ZNF766: variants seen among roughly 807,000 people sequenced by gnomAD.
ZNF766 encodes zinc finger protein 766.
In ZNF766, 13 loss-of-function variants were observed where a neutral mutation model predicts 13.2. That is an observed-to-expected ratio of 0.98 (90% CI 0.64 to 1.56). ZNF766 has a LOEUF of 1.56. Ranked by LOEUF, ZNF766 falls within the 40% of genes most tolerant of loss-of-function variation. The pLI is 0.00. For synonymous variants in ZNF766, 178 were observed against 187.6 expected (o/e 0.95, Z 0.42); for missense variants, 521 against 552.2 (o/e 0.94, Z 0.57).
intron 1 of ZNF766, among the ~76,000 whole-genome samples, chr19:52,278,513 C>T (rs1298149679): frequency 1.3e-5 from 2 of 152,146 alleles, no homozygotes; most frequent in Non-Finnish European, 2.9e-5. Flanking sequence ...AAGCAATTCT[C>T]CTGCCTCAGC....
chr19:52,271,106 G>T (rs966881580), intron 1 of ZNF766, among the ~76,000 whole-genome samples: 2 of 152,032 alleles, frequency 1.3e-5, no homozygotes, highest in Non-Finnish European at 2.9e-5. Flanking sequence ...TTATTAATTT[G>T]CTGGAATGGT....
chr19:52,284,730 C>G (rs7255987), intron 3 of ZNF766: 24,866 of 151,720 alleles, frequency 0.16, 2,088 homozygotes, highest in East Asian at 0.29. Context: ...CGACCCCCTT[C>G]TTCTGTTTGG....
intron 3 of ZNF766, among the ~76,000 whole-genome samples, chr19:52,289,585 C>G (rs1982006721): frequency 6.6e-6 from 1 of 152,172 alleles, no homozygotes; most frequent in South Asian, 2.1e-4. Context: ...TGTAGATTCC[C>G]CATTGCTCCA....
intron 1 of ZNF766, chr19:52,277,287 G>A (rs999623168): frequency 1.8e-5 from 18 of 988,944 alleles, no homozygotes; most frequent in South Asian, 1.1e-4. Context: ...GTGAAACCCC[G>A]TCTCTACTAC....
intron 3 of ZNF766, among the ~76,000 whole-genome samples, chr19:52,289,783 G>A (rs1349543391): frequency 5.9e-5 from 9 of 152,110 alleles, no homozygotes; most frequent in Non-Finnish European, 8.8e-5. Flanking sequence ...GGCGGATCAC[G>A]AGGTCAGGAG....
At chr19:52,281,209 A>G (rs2122476388) in intron 1 of ZNF766, among the ~76,000 whole-genome samples, 1 of 151,976 alleles carries the variant, frequency 6.6e-6, no homozygotes, top group South Asian at 2.1e-4. Flanking sequence ...AATACTTGCC[A>G]TGACCTTATA....
chr19:52,286,195 T>TCCCC (rs1568621172), intron 3 of ZNF766, among the ~76,000 whole-genome samples: 2 of 143,190 alleles, frequency 1.4e-5, no homozygotes, highest in African/African-American at 5.6e-5. Context: ...TTTTCCCCCC[T>TCCCC]AATTATAAAG....
In ZNF766 at chr19:52,291,950, T is replaced by A; in HGVS notation, c.*752T>A. ...AAGCCAGGCCCTTGGCATGTGTCTG[T>A]AGTTCCAGCTACTCAAGAGGCCGAG... On this transcript the variant is annotated 3_prime_UTR_variant, in exon 4 of 4. Transcript: ENST00000439461. 1 of 554,158 alleles carries A rather than the reference T, an allele frequency of 1.8e-6. No individual in the cohort carries two copies. The highest frequency in any genetic ancestry group is 3.0e-5 in the East Asian group (1 of 33,762). The allele number at this position is 554,158 out of a possible 1,614,324, so 34.3% of individuals were successfully genotyped here. A position where few individuals can be genotyped will look rare whatever the true frequency, so the allele number is the denominator to read the frequency against.
chr19:52,291,264 T>C lies in ZNF766; in HGVS notation c.*66T>C. The C allele has an allele frequency of 2.1e-6, 3 of 1,444,578 alleles. No homozygotes were observed. Among genetic ancestry groups the C allele is most frequent in the Non-Finnish European group, 2.8e-6 (3 of 1,072,676 alleles). 89.5% of individuals were successfully genotyped at this position (1,444,578 alleles called of 1,614,324 possible). A position where few individuals can be genotyped will look rare whatever the true frequency, so the allele number is the denominator to read the frequency against. On this transcript the variant is annotated 3_prime_UTR_variant, in exon 4 of 4. Coordinates refer to ENST00000439461, the MANE Select transcript of ZNF766 (RefSeq NM_001010851.3). ...TCCGAGAGTCTATACTAGAAAGAAA[T>C]CATTTAAATGTACTATATGTGGCAC...
rs1392208203 is a variant in ZNF766 at position 52,291,330 on chromosome 19, A to AT, written c.*134dup. The AT allele has an allele frequency of 3.3e-6, 3 of 922,054 alleles. No homozygotes were observed. The highest frequency in any genetic ancestry group is 3.2e-6 in the Non-Finnish European group (2 of 624,712). 57.1% of individuals were successfully genotyped at this position (922,054 alleles called of 1,614,324 possible). A position where few individuals can be genotyped will look rare whatever the true frequency, so the allele number is the denominator to read the frequency against. On this transcript the variant is annotated 3_prime_UTR_variant, in exon 4 of 4. Transcript: ENST00000439461. Reference sequence around the variant, plus strand: ...CTACCAAATCACTAGACATCGAAACATTCATCTTTGGTGAAACCACACAAA... The same window carrying AT: ...CTACCAAATCACTAGACATCGAAACATTTCATCTTTGGTGAAACCACACAAA...
chr19:52,295,615 C>T lies in ZNF766; in HGVS notation c.*4417C>T, dbSNP rs4802919. 1 of 151,980 alleles carries T rather than the reference C, an allele frequency of 6.6e-6. No individual in the cohort carries two copies. The highest frequency in any genetic ancestry group is 1.5e-5 in the Non-Finnish European group (1 of 68,010). 9.4% of individuals were successfully genotyped at this position (151,980 alleles called of 1,614,324 possible). ...TGCACAAGACAATGGCAGGTATAAA[C>T]GTTTTATTGTAAATATGAAAAAGGA... On this transcript the variant is annotated 3_prime_UTR_variant, in exon 4 of 4. Transcript: ENST00000439461.
In ZNF766 at chr19:52,292,863, C is replaced by T. The variant is rs956392697; in HGVS notation, c.*1665C>T. ...AAAGTTCTAGTGTACATGTCCACAACATGCAGGTTTGTTACATAGGTATAC... is the reference window on the plus strand; with the variant it reads ...AAAGTTCTAGTGTACATGTCCACAATATGCAGGTTTGTTACATAGGTATAC... On this transcript the variant is annotated 3_prime_UTR_variant, in exon 4 of 4. Transcript: ENST00000439461. 6.6e-6 allele frequency: 1 copy of T among 152,168 alleles called. No homozygotes were observed. The highest frequency in any genetic ancestry group is 1.5e-5 in the Non-Finnish European group (1 of 68,036). The allele number at this position is 152,168 out of a possible 1,614,324, so 9.4% of individuals were successfully genotyped here.
chr19:52,274,993 G>A (rs554529230), intron 1 of ZNF766, among the ~76,000 whole-genome samples: 5 of 152,264 alleles, frequency 3.3e-5, no homozygotes, highest in East Asian at 1.9e-4. Context: ...AGAAAGGAGC[G>A]TCCATGATGC....
At position 52,294,817 on chromosome 19, in the gene ZNF766, C is replaced by G. The variant is rs539503613; in HGVS notation, c.*3619C>G. The G allele has an allele frequency of 6.6e-6, 1 of 152,190 alleles. No individual in the cohort carries two copies. The highest frequency in any genetic ancestry group is 2.1e-4 in the South Asian group (1 of 4,818). 9.4% of individuals were successfully genotyped at this position (152,190 alleles called of 1,614,324 possible). Reference sequence around the variant, plus strand: ...ATATCTTACGTTCCTTTTATAGTTACAGATACAGGTCTCATTGCACAATAT... The same window carrying G: ...ATATCTTACGTTCCTTTTATAGTTAGAGATACAGGTCTCATTGCACAATAT... On this transcript the variant is annotated 3_prime_UTR_variant, in exon 4 of 4. Coordinates refer to ENST00000439461, the MANE Select transcript of ZNF766 (RefSeq NM_001010851.3).
intron 3 of ZNF766, among the ~76,000 whole-genome samples, chr19:52,287,450 G>C (rs1400549850): frequency 6.6e-6 from 1 of 152,214 alleles, no homozygotes; most frequent in East Asian, 1.9e-4. Context: ...CTGCTCTGCT[G>C]TTTTCTTTAG....
At chr19:52,289,967 C>G in intron 3 of ZNF766, 99 bp from the exon 4 acceptor site, 3 of 1,307,092 alleles carry the variant, frequency 2.3e-6, no homozygotes, top group South Asian at 1.5e-5. Flanking sequence ...TGCCACTGCA[C>G]TCCAGCCTGG....
intron 1 of ZNF766, among the ~76,000 whole-genome samples, chr19:52,279,316 C>T (rs1248583152): frequency 6.6e-6 from 1 of 152,130 alleles, no homozygotes; most frequent in Non-Finnish European, 1.5e-5. Context: ...TTGATGCCTC[C>T]AGCTTTGTTC....
intron 1 of ZNF766, among the ~76,000 whole-genome samples, chr19:52,273,784 C>A (rs950722563): frequency 1.3e-5 from 2 of 152,132 alleles, no homozygotes; most frequent in African/African-American, 4.8e-5. Flanking sequence ...GTAACAAGAC[C>A]CAAGGGTAGA....
rs377136808 is a variant in ZNF766, at chr19:52,290,801, G to C, written c.1010G>C (p.Ser337Thr). 1 of 1,613,734 alleles carries C rather than the reference G, an allele frequency of 6.2e-7. No individual in the cohort carries two copies. Among genetic ancestry groups the C allele is most frequent in the African/African-American group, 1.3e-5 (1 of 74,930 alleles). Reference protein sequence around the residue: ...YKCNKCGKEFSGHSSLTTHLL... With the variant: ...YKCNKCGKEFTGHSSLTTHLL... ...TGTAATAAATGTGGCAAAGAATTTA[G>C]TGGGCATTCAAGCCTCACCACCCAT... The change falls in exon 4 of 4, where the codon AGT becomes ACT. Residue 337 changes from serine to threonine, a missense_variant. Ser to Thr is a moderately conservative substitution (Grantham distance 58). Coordinates refer to ENST00000439461, the MANE Select transcript of ZNF766 (RefSeq NM_001010851.3).
Sources: gnomAD v4.1 joint callset for allele counts (sites outside exome capture counted in the v4.1 genomes callset) on GRCh38, gnomAD v4.1.1 for gene constraint, MANE v1.5 for transcripts, NCBI Gene and HGNC (gene_info 2026-07-23, HGNC 2026-07-21) for gene names.